PRKCE: variants seen among roughly 807,000 people sequenced by gnomAD.
PRKCE encodes the protein protein kinase C epsilon type.
Under a neutral mutation model 85.4 loss-of-function variants are expected in PRKCE, and 16 were observed. That is an observed-to-expected ratio of 0.19 (90% CI 0.13 to 0.28). The LOEUF is 0.28. PRKCE is among the 10% of genes least tolerant of loss of function. PRKCE has a pLI of 1.00. For missense variants in PRKCE, 573 were observed against 975.2 expected, an observed-to-expected ratio of 0.59 and a Z score of 5.49; for synonymous variants, 388 against 371.5, an observed-to-expected ratio of 1.04 and a Z score of -0.51.
At chr2:45,864,303 G>T (rs1338538985) in intron 2 of PRKCE, among the ~76,000 whole-genome samples, 2 of 152,154 alleles carry the variant, frequency 1.3e-5, no homozygotes, top group Non-Finnish European at 2.9e-5. Context: ...TCATGGCTTT[G>T]CTCCAGCTCT....
chr2:46,098,456 C>A (rs1670913616), intron 11 of PRKCE, among the ~76,000 whole-genome samples: 1 of 152,142 alleles, frequency 6.6e-6, no homozygotes, highest in African/African-American at 2.4e-5. Flanking sequence ...TGTTATTTTG[C>A]AAGTGGCTGA....
intron 2 of PRKCE, among the ~76,000 whole-genome samples, chr2:45,898,684 G>C (rs143130081): frequency 2.6e-5 from 4 of 152,234 alleles, no homozygotes; most frequent in Non-Finnish European, 4.4e-5. Flanking sequence ...GAGAGTACCA[G>C]TGTGGGAGAT....
chr2:46,107,083 A>G (rs1671791203), intron 11 of PRKCE, among the ~76,000 whole-genome samples: 2 of 152,328 alleles, frequency 1.3e-5, no homozygotes, highest in Middle Eastern at 3.4e-3. Flanking sequence ...AGCATCATAT[A>G]TCACCATTAC....
At chr2:45,725,177 G>C (rs1323879041) in intron 1 of PRKCE, among the ~76,000 whole-genome samples, 1 of 152,192 alleles carries the variant, frequency 6.6e-6, no homozygotes, top group Non-Finnish European at 1.5e-5. Flanking sequence ...ATTCTATTCT[G>C]CTCGTGCTCT....
At chr2:45,937,991 A>G (rs1367599705) in intron 2 of PRKCE, among the ~76,000 whole-genome samples, 1 of 152,204 alleles carries the variant, frequency 6.6e-6, no homozygotes, top group Non-Finnish European at 1.5e-5. Context: ...TGGCTTCTCT[A>G]CAGTGAGAGT....
chr2:45,770,588 C>A (rs760496902), intron 1 of PRKCE: 3 of 152,192 alleles, frequency 2.0e-5, no homozygotes, highest in Non-Finnish European at 2.9e-5. Context: ...TACCGCCCCC[C>A]ACAACCACAA....
At position 45,820,830 on chromosome 2, in the gene PRKCE, G is replaced by A. The variant is rs561713507; in HGVS notation, c.349-22170G>A. Among the ~76,000 whole-genome samples the A allele has an allele frequency of 1.6e-4, 25 of 152,192 alleles. No homozygotes were observed. In the South Asian group the frequency reaches 2.7e-3, roughly 16 times the overall value. On this transcript the variant is annotated intron_variant, in intron 1 of 14. Coordinates refer to ENST00000306156, the MANE Select transcript of PRKCE (RefSeq NM_005400.3). ...TTGAGGCCCCAAGAGATTGTCCTGG[G>A]TCATGTTGACCTTAGTGGCAGAAGC...
intron 11 of PRKCE, among the ~76,000 whole-genome samples, chr2:46,094,669 G>T (rs1273667778): frequency 6.6e-6 from 1 of 152,122 alleles, no homozygotes; most frequent in African/African-American, 2.4e-5. Flanking sequence ...GCATCAGAAA[G>T]AATAGCTAAT....
intron 14 of PRKCE, among the ~76,000 whole-genome samples, chr2:46,182,478 C>A (rs952380805): frequency 6.6e-6 from 1 of 152,144 alleles, no homozygotes; most frequent in African/African-American, 2.4e-5. Flanking sequence ...CCAAACCACC[C>A]GGCTTTCCCA....
chr2:46,014,085 C>T lies in PRKCE; in HGVS notation c.1437+3568C>T, dbSNP rs190083251. On this transcript the variant is annotated intron_variant, in intron 10 of 14. Transcript: ENST00000306156. Reference sequence around the variant, plus strand: ...CTACCCTTGGCTCATGTGCTCCATCCGCTCCATGGGATCTAGAAAGGCAAA... The same window carrying T: ...CTACCCTTGGCTCATGTGCTCCATCTGCTCCATGGGATCTAGAAAGGCAAA... Among the ~76,000 whole-genome samples the T allele has an allele frequency of 7.2e-5, 11 of 152,272 alleles. No individual in the cohort carries two copies. The South Asian group carries it at 1.2e-3, about 17-fold the overall frequency.
intron 2 of PRKCE, among the ~76,000 whole-genome samples, chr2:45,847,992 A>G (rs923349643): frequency 1.3e-5 from 2 of 152,204 alleles, no homozygotes; most frequent in Non-Finnish European, 2.9e-5. Context: ...CAGCAGGTTA[A>G]TAATTCTTCC....
chr2:46,116,567 C>T (rs920038588), intron 11 of PRKCE, among the ~76,000 whole-genome samples: 8 of 152,106 alleles, frequency 5.3e-5, no homozygotes, highest in African/African-American at 1.2e-4. Context: ...CTCTACTGTC[C>T]GCCCTTAACT....
intron 2 of PRKCE, among the ~76,000 whole-genome samples, chr2:45,889,713 T>A (rs1442173371): frequency 6.6e-6 from 1 of 152,218 alleles, no homozygotes; most frequent in Non-Finnish European, 1.5e-5. Context: ...ACAGAAGTTG[T>A]ATCTGCAGAA....
chr2:46,016,858 G>A (rs112378424), intron 10 of PRKCE, among the ~76,000 whole-genome samples: 3,699 of 149,182 alleles, frequency 0.025, 163 homozygotes, highest in African/African-American at 0.087. Flanking sequence ...GCAGTGAGCC[G>A]AGATCGTCCC....
intron 1 of PRKCE, among the ~76,000 whole-genome samples, chr2:45,809,696 C>T (rs1383030560): frequency 6.7e-6 from 1 of 149,310 alleles, no homozygotes; most frequent in African/African-American, 2.5e-5. Flanking sequence ...CCAGCCTGGC[C>T]AACATGGTGA....
At chr2:45,916,271 G>A (rs1558829471) in intron 2 of PRKCE, among the ~76,000 whole-genome samples, 1 of 145,092 alleles carries the variant, frequency 6.9e-6, no homozygotes, top group Non-Finnish European at 1.5e-5. Context: ...ACAGGGTCTA[G>A]ATCTATCATG....
chr2:45,789,865 T>G (rs1243185390), intron 1 of PRKCE, among the ~76,000 whole-genome samples: 1 of 152,246 alleles, frequency 6.6e-6, no homozygotes, highest in Non-Finnish European at 1.5e-5. Flanking sequence ...AGTATCTTTC[T>G]GAAGATAATG....
At chr2:46,040,083 G>A (rs1199045334) in intron 10 of PRKCE, among the ~76,000 whole-genome samples, 1 of 152,204 alleles carries the variant, frequency 6.6e-6, no homozygotes, top group African/African-American at 2.4e-5. Flanking sequence ...CATTAACCAT[G>A]GCTGGAAGTT....
At chr2:46,137,568 T>A (rs962190099) in intron 11 of PRKCE, among the ~76,000 whole-genome samples, 1 of 146,922 alleles carries the variant, frequency 6.8e-6, no homozygotes, top group Non-Finnish European at 1.5e-5. Flanking sequence ...CTGACCAACA[T>A]GGTGAAACCC....
Sources: allele counts gnomAD v4.1 joint callset (sites outside exome capture counted in the v4.1 genomes callset), GRCh38; gene constraint gnomAD v4.1.1; transcripts MANE v1.5; gene names NCBI Gene and HGNC (gene_info 2026-07-23, HGNC 2026-07-21).